Variants in NRXN3 observed in about 807,000 individuals in gnomAD.
NRXN3 encodes neurexin III.
A neutral mutation model predicts 137.6 loss-of-function variants in NRXN3; 32 were observed. That is an observed-to-expected ratio of 0.23 (90% CI 0.18 to 0.31). The LOEUF (loss-of-function observed/expected upper bound fraction) is 0.31, where lower values mean the gene tolerates loss of function less well. Ranked by LOEUF, NRXN3 falls within the 10% of genes least tolerant of loss-of-function variation. The pLI is 1.00. For missense variants in NRXN3, 1,574 were observed against 2,062.5 expected (o/e 0.76, Z 4.59); for synonymous variants, 798 against 784.5 (o/e 1.02, Z -0.29).
At chr14:79,211,935 A>T (rs1439541874) in intron 15 of NRXN3, among the ~76,000 whole-genome samples, 1 of 152,286 alleles carries the variant, frequency 6.6e-6, no homozygotes, top group African/African-American at 2.4e-5. Flanking sequence ...GAATTAAAAC[A>T]CTTGAGGCTG....
At chr14:78,741,060 G>C (rs1017467481) in intron 8 of NRXN3, among the ~76,000 whole-genome samples, 2 of 152,102 alleles carry the variant, frequency 1.3e-5, no homozygotes, top group Non-Finnish European at 2.9e-5. Flanking sequence ...TTTCACCCTG[G>C]CATGTTAGGT....
At chr14:78,560,091 G>C (rs1001058814) in intron 4 of NRXN3, among the ~76,000 whole-genome samples, 1 of 152,152 alleles carries the variant, frequency 6.6e-6, no homozygotes, top group Non-Finnish European at 1.5e-5. Context: ...GGCTATGAAA[G>C]GGTGGTAGGA....
At chr14:78,195,599 A>G (rs535206634) in intron 1 of NRXN3, among the ~76,000 whole-genome samples, 2 of 152,304 alleles carry the variant, frequency 1.3e-5, no homozygotes, top group African/African-American at 4.8e-5. Context: ...CATCTGAGCT[A>G]AGACTTGAGG....
rs1307583491 is a variant in NRXN3 at position 78,790,197 on chromosome 14, T to C, written c.2045-13423T>C. Among the ~76,000 whole-genome samples, 3 of 152,220 alleles carry C rather than the reference T, an allele frequency of 2.0e-5. No homozygotes were observed. The East Asian group carries it at 5.8e-4, about 29-fold the overall frequency. ...GGTAAATTGAAATTCTATTAGAAGGTATACATTTATAAACCAGAGTTTCTC... is the reference window on the plus strand; with the variant it reads ...GGTAAATTGAAATTCTATTAGAAGGCATACATTTATAAACCAGAGTTTCTC... On this transcript the variant is annotated intron_variant, in intron 8 of 20. Transcript: ENST00000335750.
At chr14:78,730,397 CT>C (rs778446771) in intron 8 of NRXN3, among the ~76,000 whole-genome samples, 29 of 152,082 alleles carry the variant, frequency 1.9e-4, no homozygotes, top group African/African-American at 3.9e-4. Flanking sequence ...TTTATCCCCC[CT>C]ATTCTTCATT....
At chr14:79,645,788 C>CA (rs1204841542) in intron 16 of NRXN3, among the ~76,000 whole-genome samples, 2 of 135,008 alleles carry the variant, frequency 1.5e-5, no homozygotes, top group East Asian at 3.9e-4. Flanking sequence ...AATGTTGGCA[C>CA]CTGATAATGG....
intron 2 of NRXN3, among the ~76,000 whole-genome samples, chr14:78,262,178 T>C (rs2070853388): frequency 6.6e-6 from 1 of 152,172 alleles, no homozygotes; most frequent in Non-Finnish European, 1.5e-5. Context: ...CAAGATTGGT[T>C]AGTTTGATAT....
intron 16 of NRXN3, among the ~76,000 whole-genome samples, chr14:79,579,742 G>A (rs2097697783): frequency 6.6e-6 from 1 of 151,954 alleles, no homozygotes; most frequent in African/African-American, 2.4e-5. Flanking sequence ...TGTAATGATG[G>A]GTATTTGGGA....
chr14:78,447,876 A>C (rs1203144754), intron 4 of NRXN3, among the ~76,000 whole-genome samples: 1 of 152,204 alleles, frequency 6.6e-6, no homozygotes, highest in Non-Finnish European at 1.5e-5. Flanking sequence ...ATATGGGATG[A>C]TTGAAAAGAT....
chr14:78,743,993 G>T (rs1390966409), intron 8 of NRXN3, among the ~76,000 whole-genome samples: 2 of 152,128 alleles, frequency 1.3e-5, no homozygotes, highest in Admixed American at 6.5e-5. Context: ...GGTTGTTTAG[G>T]TCTAAACTTT....
chr14:79,478,672 T>C (rs1235963322), intron 16 of NRXN3, among the ~76,000 whole-genome samples: 1 of 152,148 alleles, frequency 6.6e-6, no homozygotes, highest in East Asian at 1.9e-4. Context: ...CGTGTCATCA[T>C]TGAAAAGTCC....
intron 8 of NRXN3, among the ~76,000 whole-genome samples, chr14:78,792,015 A>G (rs1357618145): frequency 6.6e-6 from 1 of 152,094 alleles, no homozygotes; most frequent in Non-Finnish European, 1.5e-5. Flanking sequence ...AGGGAATGAC[A>G]TGGCAATACA....
chr14:79,565,268 T>TACAC (rs2097537433), intron 16 of NRXN3, among the ~76,000 whole-genome samples: 44 of 3,758 alleles, frequency 0.012, no homozygotes, highest in African/African-American at 0.037. Flanking sequence ...TATACACATG[T>TACAC]GTGTGTGTAT....
chr14:79,183,958 G>A (rs2063230551), intron 15 of NRXN3, among the ~76,000 whole-genome samples: 2 of 152,114 alleles, frequency 1.3e-5, no homozygotes, highest in African/African-American at 4.8e-5. Flanking sequence ...TTGAGGCTGG[G>A]GAACCACAGA....
chr14:79,852,372 CCTACCCCTAAACTGGTTTTGTCTTG>C (rs1165432334), intron 20 of NRXN3, among the ~76,000 whole-genome samples: 1 of 152,012 alleles, frequency 6.6e-6, no homozygotes, highest in Non-Finnish European at 1.5e-5. Flanking sequence ...GTACCTTCCT[CCTACCCCTAAACTGGTTTTGTCTTG>C]CTGCCCCTAA....
In NRXN3 at chr14:78,473,401, C is replaced by CAAA. The variant is rs34856071; in HGVS notation, c.758-171704_758-171702dup. Among the ~76,000 whole-genome samples, 19 of 117,640 alleles carry CAAA rather than the reference C, an allele frequency of 1.6e-4. 1 individual carries two copies. The East Asian group carries it at 4.4e-3, about 27-fold the overall frequency. The allele number at this position is 117,640 out of a possible 152,430, so 77.2% of individuals were successfully genotyped here. On this transcript the variant is annotated intron_variant, in intron 4 of 20. Transcript: ENST00000335750. ...TGGGCAACAGAGCGAGACTCTGTCTCAAAAAAAAAAAAAAAAATGAAAAAC... is the reference window on the plus strand; with the variant it reads ...TGGGCAACAGAGCGAGACTCTGTCTCAAAAAAAAAAAAAAAAAAAATGAAAAAC...
rs754008590 is a variant in NRXN3, at chr14:78,376,853, C to T, written c.757+78993C>T. Among the ~76,000 whole-genome samples the T allele has an allele frequency of 4.6e-4, 70 of 152,134 alleles. No homozygotes were observed. The Middle Eastern group carries it at 0.01, about 22-fold the overall frequency. On this transcript the variant is annotated intron_variant, in intron 4 of 20. Transcript: ENST00000335750. Reference sequence around the variant, plus strand: ...CACTGCAACTGGTAAAATGATGACACGAGTGGATTGTGATAAGTTATGTAT... The same window carrying T: ...CACTGCAACTGGTAAAATGATGACATGAGTGGATTGTGATAAGTTATGTAT...
intron 4 of NRXN3, among the ~76,000 whole-genome samples, chr14:78,428,529 G>A (rs1469403838): frequency 2.0e-5 from 3 of 152,310 alleles, no homozygotes; most frequent in Middle Eastern, 6.8e-3. Flanking sequence ...CTCCTATTGA[G>A]AGAGAGTGAA....
intron 2 of NRXN3, among the ~76,000 whole-genome samples, chr14:78,257,184 G>A (rs950089027): frequency 6.6e-6 from 1 of 152,212 alleles, no homozygotes; most frequent in African/African-American, 2.4e-5. Flanking sequence ...GGGCAACTTC[G>A]TTTTGTGTAA....
Sources: gnomAD v4.1 joint callset for allele counts (sites outside exome capture counted in the v4.1 genomes callset) on GRCh38, gnomAD v4.1.1 for gene constraint, MANE v1.5 for transcripts, NCBI Gene and HGNC (gene_info 2026-07-23, HGNC 2026-07-21) for gene names.